PCDH9: variants seen among roughly 807,000 people sequenced by gnomAD.
PCDH9 encodes protocadherin-9.
Under a neutral mutation model 70.6 loss-of-function variants are expected in PCDH9, and 24 were observed. The ratio of observed to expected loss-of-function variants is 0.34; its 90% CI spans 0.25 to 0.48. The LOEUF (loss-of-function observed/expected upper bound fraction) is 0.48, where lower values mean the gene tolerates loss of function less well. PCDH9 is among the 20% of genes least tolerant of loss of function. The probability of loss-of-function intolerance (pLI) is 0.99; values close to 1 mark genes in which losing one functional copy is unlikely to be tolerated. For synonymous variants in PCDH9, 562 were observed against 558.5 expected (o/e 1.01, Z -0.09); for missense variants, 1,281 against 1,503.6 (o/e 0.85, Z 2.45).
At chr13:66,612,924 T>C (rs981865086) in intron 4 of PCDH9, among the ~76,000 whole-genome samples, 2 of 152,082 alleles carry the variant, frequency 1.3e-5, no homozygotes, top group African/African-American at 4.8e-5. Context: ...AAGTACCCCA[T>C]CTTTAGTTGA....
chr13:66,819,344 A>C (rs1379852305), intron 3 of PCDH9, among the ~76,000 whole-genome samples: 1 of 151,422 alleles, frequency 6.6e-6, no homozygotes, highest in Admixed American at 6.6e-5. Flanking sequence ...AAAACCTTTC[A>C]AAAGGTATTT....
intron 4 of PCDH9, among the ~76,000 whole-genome samples, chr13:66,505,716 G>A (rs1959204731): frequency 1.3e-5 from 2 of 152,252 alleles, no homozygotes; most frequent in South Asian, 4.2e-4. Context: ...GAACAGCACA[G>A]GAAAGACCCA....
chr13:66,523,674 A>C (rs1258868858), intron 4 of PCDH9, among the ~76,000 whole-genome samples: 1 of 151,890 alleles, frequency 6.6e-6, no homozygotes, highest in Non-Finnish European at 1.5e-5. Context: ...GGGAGGGTGG[A>C]GTGTAGCATC....
chr13:66,636,154 T>C (rs1216401198), intron 3 of PCDH9, among the ~76,000 whole-genome samples: 4 of 152,150 alleles, frequency 2.6e-5, no homozygotes, highest in Admixed American at 1.3e-4. Flanking sequence ...TGTTTGGTCA[T>C]GTGATTATGA....
intron 3 of PCDH9, among the ~76,000 whole-genome samples, chr13:66,880,336 G>A (rs1002053699): frequency 6.6e-5 from 10 of 152,106 alleles, no homozygotes; most frequent in South Asian, 4.1e-4. Context: ...AAGTTCAAGC[G>A]TAAGACATCA....
At chr13:67,164,574 CAAAAAAAAAAA>C (rs56207174) in intron 2 of PCDH9, among the ~76,000 whole-genome samples, 3 of 137,196 alleles carry the variant, frequency 2.2e-5, no homozygotes, top group Non-Finnish European at 4.7e-5. Flanking sequence ...ACTCCATCTC[CAAAAAAAAAAA>C]AAAAAGAAAA....
chr13:66,802,980 A>G (rs1344421764), intron 3 of PCDH9, among the ~76,000 whole-genome samples: 1 of 152,178 alleles, frequency 6.6e-6, no homozygotes, highest in African/African-American at 2.4e-5. Flanking sequence ...GTAATAAAGC[A>G]CAGAAGACAT....
chr13:67,201,314 T>G (rs2089206173), intron 2 of PCDH9: 2 of 152,034 alleles, frequency 1.3e-5, no homozygotes, highest in South Asian at 4.1e-4. Flanking sequence ...AAATGGAACG[T>G]TATACATTTT....
chr13:66,971,729 C>A (rs1394126019), intron 2 of PCDH9, among the ~76,000 whole-genome samples: 2 of 151,822 alleles, frequency 1.3e-5, no homozygotes, highest in Non-Finnish European at 2.9e-5. Flanking sequence ...TGATGAAGAG[C>A]AGAAACAAAA....
chr13:66,935,747 AAGTT>A (rs2082905706), intron 2 of PCDH9, among the ~76,000 whole-genome samples: 1 of 152,124 alleles, frequency 6.6e-6, no homozygotes. Flanking sequence ...ACTAGTCACA[AAGTT>A]AGTTACAGAA....
chr13:66,737,803 C>A (rs374760395), intron 3 of PCDH9, among the ~76,000 whole-genome samples: 1 of 152,160 alleles, frequency 6.6e-6, no homozygotes, highest in Non-Finnish European at 1.5e-5. Context: ...TAGAAAATGG[C>A]GCACCACGAG....
intron 2 of PCDH9, among the ~76,000 whole-genome samples, chr13:67,035,692 C>T (rs956877500): frequency 3.3e-5 from 5 of 151,574 alleles, no homozygotes; most frequent in African/African-American, 1.2e-4. Flanking sequence ...ACGAACTTTT[C>T]TTGAGATCAA....
chr13:66,336,475 A>AT (rs1956039912), intron 4 of PCDH9, among the ~76,000 whole-genome samples: 1 of 152,076 alleles, frequency 6.6e-6, no homozygotes, highest in African/African-American at 2.4e-5. Context: ...TTTAATAGAG[A>AT]TTTTGGAATT....
chr13:66,776,752 C>G (rs1162591408), intron 3 of PCDH9, among the ~76,000 whole-genome samples: 3 of 151,156 alleles, frequency 2.0e-5, no homozygotes, highest in Admixed American at 1.3e-4. Flanking sequence ...CTACCAATGA[C>G]TTTCTTCACA....
intron 3 of PCDH9, among the ~76,000 whole-genome samples, chr13:66,717,535 A>C (rs1023840590): frequency 1.4e-5 from 2 of 145,406 alleles, no homozygotes; most frequent in African/African-American, 5.1e-5. Flanking sequence ...TACAAACCTT[A>C]GTACAAGATA....
Position 67,227,411 on chromosome 13 carries a change from C to G in PCDH9, c.1030G>C (p.Val344Leu). The change falls in exon 2 of 5, where the codon GTT (valine) becomes CTT (leucine). Residue 344 changes from valine (V) to leucine (L), a missense_variant. By Grantham distance (32) the Val-to-Leu change is conservative. Transcript: ENST00000377865. The surrounding 1 kb of genome is among the most constrained non-coding windows in gnomAD (Gnocchi z 4.6). ...TTTACATCGGTGACATTGATGGTAA[C>G]CGTTGCTCGAGCAGGAGTGGAGCTG... ...DGSSTPARAT[V>L]TINVTDVNDN... 6.2e-7 allele frequency: 1 copy of G among 1,613,788 alleles called. No homozygotes were observed. The highest frequency in any genetic ancestry group is 1.3e-5 in the African/African-American group (1 of 75,008).
chr13:66,935,261 G>A (rs780179085), intron 2 of PCDH9, among the ~76,000 whole-genome samples: 5 of 151,968 alleles, frequency 3.3e-5, no homozygotes, highest in South Asian at 4.2e-4. Context: ...CCACTGTTTG[G>A]CCTAGGCAGG....
intron 2 of PCDH9, among the ~76,000 whole-genome samples, chr13:66,935,790 A>G (rs1275751237): frequency 6.6e-6 from 1 of 152,142 alleles, no homozygotes; most frequent in African/African-American, 2.4e-5. Flanking sequence ...ATTATAAAAT[A>G]TATTTTGCAG....
At chr13:66,753,311 T>C (rs992094991) in intron 3 of PCDH9, among the ~76,000 whole-genome samples, 1 of 152,056 alleles carries the variant, frequency 6.6e-6, no homozygotes, top group Non-Finnish European at 1.5e-5. Flanking sequence ...CACTGTAAAA[T>C]GACTGCAGTT....
Sources: gnomAD v4.1 joint callset for allele counts (sites outside exome capture counted in the v4.1 genomes callset) on GRCh38, gnomAD v4.1.1 for gene constraint, Gnocchi (gnomAD v3.1) non-coding constraint, MANE v1.5 for transcripts, NCBI Gene and HGNC (gene_info 2026-07-23, HGNC 2026-07-21) for gene names.